Variants in EXOC1 observed in about 807,000 individuals in gnomAD.
EXOC1 encodes the protein SEC3-like 1.
Under a neutral mutation model 107.7 loss-of-function variants are expected in EXOC1, and 67 were observed. That is an observed-to-expected ratio of 0.62 (90% confidence interval 0.51 to 0.76). The LOEUF (loss-of-function observed/expected upper bound fraction) is 0.76. EXOC1 is among the 30% of genes least tolerant of loss of function. EXOC1 has a pLI of 0.00. For missense variants in EXOC1, 833 were observed against 1,055.7 expected (o/e 0.79, Z 2.92); for synonymous variants, 348 against 353.5 (o/e 0.98, Z 0.17).
At chr4:55,882,135 T>TG (rs1723456265) in intron 9 of EXOC1, among the ~76,000 whole-genome samples, 2 of 151,926 alleles carry the variant, frequency 1.3e-5, no homozygotes, top group Non-Finnish European at 2.9e-5. Context: ...TTTTGTTTTG[T>TG]TTTTGTTTTC....
intron 9 of EXOC1, among the ~76,000 whole-genome samples, chr4:55,882,455 C>T (rs1425769381): frequency 6.6e-6 from 1 of 152,182 alleles, no homozygotes; most frequent in Non-Finnish European, 1.5e-5. Flanking sequence ...GTATCTAAGT[C>T]ATTTGAGTCC....
At chr4:55,903,392 A>T (rs1726226468) in intron 18 of EXOC1, among the ~76,000 whole-genome samples, 6 of 152,162 alleles carry the variant, frequency 3.9e-5, no homozygotes, top group Admixed American at 3.9e-4. Flanking sequence ...GTTTGTTTTA[A>T]CCTCTGAAAG....
At position 55,858,450 on chromosome 4, in the gene EXOC1, G is replaced by T; in HGVS notation, c.124+3G>T. 6.3e-7 allele frequency: 1 copy of T among 1,581,494 alleles called. No individual in the cohort carries two copies. The highest frequency in any genetic ancestry group is 1.9e-5 in the Admixed American group (1 of 53,990). ...GAACTGTTTTTTATGTGCCACAGGT[G>T]GGTATTTAGTAAGAAAGAGTACTTG... On this transcript the variant is annotated splice_donor_region_variant and intron_variant, in intron 2 of 18. Coordinates refer to ENST00000381295, the MANE Select transcript of EXOC1 (RefSeq NM_001024924.2).
In EXOC1 at chr4:55,876,784, TA is replaced by T. The variant is rs1169978244; in HGVS notation, c.1075-1132del. On this transcript the variant is annotated intron_variant, in intron 8 of 18. Transcript: ENST00000381295. ...GTGTATTGGTTGTTTTCTACCATTT[TA>T]TATGTAATTTCTGTATAATGGGTCC... is the stretch of plus-strand genomic sequence containing the variant. 22 of 984,548 alleles carry T rather than the reference TA, an allele frequency of 2.2e-5. No individual in the cohort carries two copies. The South Asian group carries it at 7.5e-4, about 34-fold the overall frequency. The allele number at this position is 984,548 out of a possible 1,614,324, so 61.0% of individuals were successfully genotyped here. A position where few individuals can be genotyped will look rare whatever the true frequency, so the allele number is the denominator to read the frequency against.
chr4:55,900,518 G>A (rs1725775695), intron 17 of EXOC1: 1 of 151,988 alleles, frequency 6.6e-6, no homozygotes, highest in African/African-American at 2.4e-5. Flanking sequence ...GATAGTGAAA[G>A]CTTAAATGAA....
chr4:55,896,422 G>T (rs28416783), intron 15 of EXOC1, among the ~76,000 whole-genome samples: 1 of 152,168 alleles, frequency 6.6e-6, no homozygotes, highest in Non-Finnish European at 1.5e-5. Flanking sequence ...GGGATTACAG[G>T]CATGAGCCAC....
chr4:55,873,344 G>A (rs902818229), intron 8 of EXOC1, among the ~76,000 whole-genome samples: 3 of 151,988 alleles, frequency 2.0e-5, no homozygotes, highest in East Asian at 1.9e-4. Flanking sequence ...GAAAAGTGTC[G>A]AGAAAAAAGT....
chr4:55,895,992 T>G (rs1039271033), intron 15 of EXOC1, among the ~76,000 whole-genome samples: 2 of 152,154 alleles, frequency 1.3e-5, no homozygotes, highest in African/African-American at 2.4e-5. Flanking sequence ...CAACCAGAAG[T>G]TACCCGGAGG....
At chr4:55,866,438 C>G (rs1356132197) in intron 4 of EXOC1, among the ~76,000 whole-genome samples, 1 of 151,922 alleles carries the variant, frequency 6.6e-6, no homozygotes, top group Non-Finnish European at 1.5e-5. Context: ...TCAATCTTGT[C>G]CTTTCTAACC....
intron 15 of EXOC1, among the ~76,000 whole-genome samples, chr4:55,895,196 A>C (rs1008734887): frequency 1.2e-4 from 18 of 152,304 alleles, no homozygotes; most frequent in African/African-American, 4.3e-4. Flanking sequence ...ACACTGGTCA[A>C]TAAGATCAAT....
chr4:55,896,680 T>C (rs775746710), intron 15 of EXOC1, 37 bp from the exon 16 acceptor site: 85 of 1,521,928 alleles, frequency 5.6e-5, no homozygotes, highest in Admixed American at 1.1e-4. Flanking sequence ...TAAAGTTGCT[T>C]GGTTATTTAT....
chr4:55,860,573 C>A, intron 3 of EXOC1, 32 bp downstream of exon 3: 1 of 1,609,646 alleles, frequency 6.2e-7, no homozygotes. Context: ...GACCTGTGTT[C>A]AGAAAGCATC....
intron 1 of EXOC1, among the ~76,000 whole-genome samples, chr4:55,856,385 A>G (rs1444753816): frequency 1.3e-5 from 2 of 152,352 alleles, no homozygotes; most frequent in African/African-American, 4.8e-5. Context: ...TTAAGAGAAC[A>G]GAAAGAAGGG....
At chr4:55,856,047 G>A (rs1450729082) in intron 1 of EXOC1, among the ~76,000 whole-genome samples, 1 of 152,054 alleles carries the variant, frequency 6.6e-6, no homozygotes, top group Admixed American at 6.6e-5. Context: ...CTGAAGGAGA[G>A]TAATAAGGAT....
At chr4:55,876,734 GA>G (rs1485670766) in intron 8 of EXOC1, 1 of 985,190 alleles carries the variant, frequency 1.0e-6, no homozygotes, top group Non-Finnish European at 1.2e-6. Context: ...AACCTAAGTA[GA>G]TATCAGTAAG....
At chr4:55,879,449 G>A (rs552854756) in intron 9 of EXOC1, among the ~76,000 whole-genome samples, 50 of 152,076 alleles carry the variant, frequency 3.3e-4, no homozygotes, top group African/African-American at 1.2e-3. Flanking sequence ...GGAGCACTGT[G>A]AGCCAGGGGC....
chr4:55,887,064 T>C (rs1488521422), intron 10 of EXOC1, among the ~76,000 whole-genome samples: 2 of 152,236 alleles, frequency 1.3e-5, no homozygotes, highest in Non-Finnish European at 2.9e-5. Flanking sequence ...TGTTTCAGTG[T>C]ATTTTTTTCC....
In EXOC1 at chr4:55,904,661, AC is replaced by A; in HGVS notation, c.*168del. 5.1e-6 allele frequency: 3 copies of A among 586,860 alleles called. No homozygotes were observed. Among genetic ancestry groups the A allele is most frequent in the Non-Finnish European group, 8.0e-6 (3 of 375,782 alleles). The allele number at this position is 586,860 out of a possible 1,614,324, so 36.4% of individuals were successfully genotyped here. A position where few individuals can be genotyped will look rare whatever the true frequency, so the allele number is the denominator to read the frequency against. On this transcript the variant is annotated 3_prime_UTR_variant, in exon 19 of 19. Transcript: ENST00000381295. ...ACTACAAATATTTAAATGCAAAATT[AC>A]CAACCTATATAGCAGTTTTATTTGC... is the stretch of plus-strand genomic sequence containing the variant.
rs1362264163 is a variant in EXOC1 at position 55,893,591 on chromosome 4, C to T, written c.1764C>T (p.Arg588=). ...MIRQMMIKIF[R]CIEPELNNLI... is the part of the protein sequence containing the mutation. ...GCCAAATGATGATTAAAATATTTCG[C>T]TGCATTGAGCCAGAGCTGAACAACC... The change falls in exon 15 of 19, where the codon CGC becomes CGT. Residue 588 remains arginine, a synonymous_variant. Transcript: ENST00000381295. The T allele has an allele frequency of 6.2e-7, 1 of 1,613,868 alleles. No individual in the cohort carries two copies. The highest frequency in any genetic ancestry group is 8.5e-7 in the Non-Finnish European group (1 of 1,179,984).
Sources: allele counts gnomAD v4.1 joint callset (sites outside exome capture counted in the v4.1 genomes callset), GRCh38; gene constraint gnomAD v4.1.1; transcripts MANE v1.5; gene names NCBI Gene and HGNC (gene_info 2026-07-23, HGNC 2026-07-21).